POU6F2: variants seen among roughly 807,000 people sequenced by gnomAD.
POU6F2 encodes the protein POU class 6 homeobox 2.
POU6F2 carries 31 observed loss-of-function variants against 71.3 expected under a neutral mutation model. The observed-to-expected ratio is 0.43, with a 90% confidence interval of 0.33 to 0.59. The LOEUF (loss-of-function observed/expected upper bound fraction) is 0.59. POU6F2 is among the 20% of genes least tolerant of loss of function. The pLI, the probability that POU6F2 is intolerant of heterozygous loss-of-function variation, is 0.04. For missense variants in POU6F2, 783 were observed against 856.8 expected, an observed-to-expected ratio of 0.91 and a Z score of 1.07; for synonymous variants, 347 against 355.7, an observed-to-expected ratio of 0.98 and a Z score of 0.27.
At chr7:39,281,136 C>T (rs1454389192) in intron 4 of POU6F2, among the ~76,000 whole-genome samples, 1 of 152,070 alleles carries the variant, frequency 6.6e-6, no homozygotes, top group African/African-American at 2.4e-5. Context: ...ATAAAATATA[C>T]ATAAAATTTG....
At chr7:39,285,509 G>T (rs1218966260) in intron 4 of POU6F2, among the ~76,000 whole-genome samples, 1 of 152,190 alleles carries the variant, frequency 6.6e-6, no homozygotes, top group Non-Finnish European at 1.5e-5. Context: ...TATAGGGAAA[G>T]TTGCCAGCTT....
At chr7:39,387,251 G>A (rs898139012) in intron 5 of POU6F2, among the ~76,000 whole-genome samples, 2 of 152,180 alleles carry the variant, frequency 1.3e-5, no homozygotes, top group South Asian at 4.2e-4. Context: ...AGACACATAT[G>A]GACACGCATG....
At chr7:39,397,315 G>A (rs1787192264) in intron 5 of POU6F2, among the ~76,000 whole-genome samples, 2 of 51,080 alleles carry the variant, frequency 3.9e-5, no homozygotes, top group South Asian at 1.4e-3. Context: ...AGATTGTAAA[G>A]TATATATATT....
chr7:39,135,862 G>C (rs1166768819), intron 2 of POU6F2, among the ~76,000 whole-genome samples: 1 of 152,120 alleles, frequency 6.6e-6, no homozygotes, highest in African/African-American at 2.4e-5. Context: ...AGCATGATTA[G>C]ACATACCTTG....
intron 2 of POU6F2, among the ~76,000 whole-genome samples, chr7:39,180,337 A>G (rs1279058364): frequency 6.6e-6 from 1 of 152,310 alleles, no homozygotes; most frequent in East Asian, 1.9e-4. Context: ...AGAACATTCT[A>G]TCTGAAATCT....
intron 7 of POU6F2, among the ~76,000 whole-genome samples, chr7:39,436,684 C>T (rs1321880468): frequency 2.0e-5 from 3 of 152,166 alleles, no homozygotes; most frequent in African/African-American, 7.2e-5. Context: ...TGAGAGAGGG[C>T]ATCCTTGTCT....
At chr7:39,185,431 C>G (rs944077625) in intron 2 of POU6F2, among the ~76,000 whole-genome samples, 2 of 151,968 alleles carry the variant, frequency 1.3e-5, no homozygotes, top group African/African-American at 4.8e-5. Flanking sequence ...TTTTACAAAC[C>G]CTGAAATATA....
At chr7:39,197,194 G>A (rs979393332) in intron 2 of POU6F2, among the ~76,000 whole-genome samples, 1 of 152,234 alleles carries the variant, frequency 6.6e-6, no homozygotes, top group African/African-American at 2.4e-5. Flanking sequence ...GGAAGCCTCA[G>A]TGTGGCTGTC....
intron 2 of POU6F2, among the ~76,000 whole-genome samples, chr7:39,104,533 G>A (rs1270149867): frequency 1.3e-5 from 2 of 152,268 alleles, no homozygotes; most frequent in African/African-American, 4.8e-5. Context: ...GGTTCCCAGG[G>A]CAAGCATGGA....
At chr7:39,280,941 A>T (rs12113287) in intron 4 of POU6F2, among the ~76,000 whole-genome samples, 136,089 of 152,228 alleles carry the variant, frequency 0.89, 60,931 homozygotes, top group Middle Eastern at 0.95. Context: ...CTTGCCAGAA[A>T]CCGGAGCACC....
At chr7:39,183,506 C>T (rs1793475461) in intron 2 of POU6F2, among the ~76,000 whole-genome samples, 1 of 152,140 alleles carries the variant, frequency 6.6e-6, no homozygotes, top group Admixed American at 6.5e-5. Flanking sequence ...CTTGAGAACT[C>T]ACTCACCATT....
chr7:39,030,002 A>G (rs906009516), intron 1 of POU6F2, among the ~76,000 whole-genome samples: 3 of 152,168 alleles, frequency 2.0e-5, no homozygotes, highest in Admixed American at 2.0e-4. Context: ...CTTTTGTCCT[A>G]TGTCCTAGTC....
chr7:38,988,334 T>C (rs2116613861), intron 1 of POU6F2, among the ~76,000 whole-genome samples: 1 of 152,182 alleles, frequency 6.6e-6, no homozygotes, highest in African/African-American at 2.4e-5. Flanking sequence ...AGCTTGGGTA[T>C]TAGTATTTTT....
At chr7:39,295,289 T>C (rs919242855) in intron 4 of POU6F2, among the ~76,000 whole-genome samples, 2 of 152,164 alleles carry the variant, frequency 1.3e-5, no homozygotes, top group African/African-American at 4.8e-5. Context: ...TTCTTGGGAC[T>C]CATGGGAGAA....
chr7:39,240,694 G>A (rs1314607892), intron 4 of POU6F2, among the ~76,000 whole-genome samples: 1 of 152,108 alleles, frequency 6.6e-6, no homozygotes, highest in Non-Finnish European at 1.5e-5. Flanking sequence ...AAAAAGTATT[G>A]CTGCATGAAA....
At chr7:39,352,278 A>G (rs1427268050) in intron 5 of POU6F2, among the ~76,000 whole-genome samples, 1 of 152,196 alleles carries the variant, frequency 6.6e-6, no homozygotes, top group Non-Finnish European at 1.5e-5. Context: ...GTCTTATGAT[A>G]ATTTGTAGGC....
At chr7:39,112,970 CAA>C (rs1009769199) in intron 2 of POU6F2, among the ~76,000 whole-genome samples, 2 of 147,624 alleles carry the variant, frequency 1.4e-5, no homozygotes, top group Non-Finnish European at 3.0e-5. Flanking sequence ...TGCATTTTTA[CAA>C]AAAAAAAATT....
At position 39,422,021 on chromosome 7, in the gene POU6F2, C is replaced by A. The variant is rs187755750; in HGVS notation, c.1114-11056C>A. ...GTCTTTCCGCAAAATGATGGCTTCA[C>A]CACAGTTGTGCTTCTCTTTTAAGGG... On this transcript the variant is annotated intron_variant, in intron 6 of 9. Coordinates refer to ENST00000518318, the MANE Select transcript of POU6F2 (RefSeq NM_001370959.1). Among the ~76,000 whole-genome samples, 25 of 152,286 alleles carry A rather than the reference C, an allele frequency of 1.6e-4. 1 individual carries two copies. Among genetic ancestry groups the A allele is most frequent in the Admixed American group, 1.5e-3 (23 of 15,294 alleles).
At chr7:39,198,589 A>G (rs1409239982) in intron 2 of POU6F2, among the ~76,000 whole-genome samples, 3 of 152,228 alleles carry the variant, frequency 2.0e-5, no homozygotes, top group Admixed American at 6.5e-5. Context: ...CAAGTACCTG[A>G]CAATGTAATT....
Sources: allele counts gnomAD v4.1 joint callset (sites outside exome capture counted in the v4.1 genomes callset), GRCh38; gene constraint gnomAD v4.1.1; transcripts MANE v1.5; gene names NCBI Gene and HGNC (gene_info 2026-07-23, HGNC 2026-07-21).